PRELID2: variants seen among roughly 807,000 people sequenced by gnomAD.
The protein encoded by PRELID2 is PRELI domain-containing protein 2.
In PRELID2, 25 loss-of-function variants were observed where a neutral mutation model predicts 28.4. That is an observed-to-expected ratio of 0.88 (90% CI 0.64 to 1.23). The LOEUF is 1.23. PRELID2 is among the 50% of genes most tolerant of loss of function. PRELID2 has a pLI of 0.00. For missense variants in PRELID2, 201 were observed against 214.4 expected, an observed-to-expected ratio of 0.94 and a Z score of 0.39; for synonymous variants, 76 against 71.6, an observed-to-expected ratio of 1.06 and a Z score of -0.31.
At chr5:145,802,985 G>C (rs928913008) in intron 4 of PRELID2, among the ~76,000 whole-genome samples, 6 of 152,134 alleles carry the variant, frequency 3.9e-5, no homozygotes, top group Admixed American at 6.5e-5. Context: ...TTGAATTATT[G>C]ACTGGTTAGG....
rs146051447 is a variant in PRELID2 at position 145,699,185 on chromosome 5, G to A, written n.70+65746C>T. ...GTACCTAGTTCCTTTTGGAAGACTG[G>A]GAATGCTTCCTGGGGTAAGAGACAT... On this transcript the variant is annotated intron_variant and non_coding_transcript_variant, in intron 1 of 2. Transcript: ENST00000510259. Among the ~76,000 whole-genome samples the A allele has an allele frequency of 9.0e-3, 1,377 of 152,250 alleles. 19 individuals carry two copies. Among genetic ancestry groups the A allele is most frequent in the African/African-American group, 0.03 (1,257 of 41,544 alleles).
the PRELID2 span, among the ~76,000 whole-genome samples, chr5:145,318,908 G>A: frequency 6.6e-6 from 1 of 152,156 alleles, no homozygotes; most frequent in Non-Finnish European, 1.5e-5. Flanking sequence ...GATGGAGGTG[G>A]CTCTCAGCAG....
chr5:145,440,660 A>T, the PRELID2 span, among the ~76,000 whole-genome samples: 246 of 152,214 alleles, frequency 1.6e-3, no homozygotes, highest in Middle Eastern at 3.4e-3. Flanking sequence ...TTAATTCCTC[A>T]GAATAATAAC....
chr5:145,708,987 A>G (rs947320286), intron 1 of PRELID2, among the ~76,000 whole-genome samples: 1 of 152,238 alleles, frequency 6.6e-6, no homozygotes. Context: ...TGTGAGATGC[A>G]TGAGCTTTGC....
the PRELID2 span, among the ~76,000 whole-genome samples, chr5:145,444,753 C>T: frequency 2.0e-5 from 3 of 152,092 alleles, no homozygotes; most frequent in African/African-American, 7.2e-5. Context: ...TCATCCCTAT[C>T]ACTGAGTGCC....
intron 1 of PRELID2, among the ~76,000 whole-genome samples, chr5:145,722,451 C>T (rs1581098882): frequency 6.6e-6 from 1 of 151,994 alleles, no homozygotes; most frequent in East Asian, 1.9e-4. Flanking sequence ...AGGCGTGTGC[C>T]ACCACACCTA....
chr5:145,787,973 T>C (rs1363463363), intron 5 of PRELID2, among the ~76,000 whole-genome samples: 1 of 151,620 alleles, frequency 6.6e-6, no homozygotes, highest in Non-Finnish European at 1.5e-5. Flanking sequence ...CTGAAGGGAG[T>C]AATAATGAAA....
At chr5:145,821,154 T>TGTGC (rs1754770019) in intron 2 of PRELID2, among the ~76,000 whole-genome samples, 1 of 85,014 alleles carries the variant, frequency 1.2e-5, no homozygotes, top group African/African-American at 4.0e-5. Context: ...CTCTCCTGGG[T>TGTGC]GTGTGTGTGT....
At chr5:145,240,565 A>G in the PRELID2 span, among the ~76,000 whole-genome samples, 1 of 152,126 alleles carries the variant, frequency 6.6e-6, no homozygotes, top group Middle Eastern at 3.4e-3. Context: ...TATACTTATT[A>G]TCAGGCAGCT....
At chr5:145,364,867 C>T in the PRELID2 span, among the ~76,000 whole-genome samples, 5 of 151,994 alleles carry the variant, frequency 3.3e-5, no homozygotes, top group East Asian at 1.9e-4. Flanking sequence ...AAAGTCCTAT[C>T]GAAAAGGATT....
At chr5:145,817,033 A>T (rs1167396161) in intron 4 of PRELID2, among the ~76,000 whole-genome samples, 1 of 150,694 alleles carries the variant, frequency 6.6e-6, no homozygotes, top group Non-Finnish European at 1.5e-5. Flanking sequence ...ATGGTGACAC[A>T]TGCCTGAAAC....
At chr5:145,726,901 T>C (rs1362064627) in intron 1 of PRELID2, among the ~76,000 whole-genome samples, 5 of 152,204 alleles carry the variant, frequency 3.3e-5, no homozygotes, top group Non-Finnish European at 7.3e-5. Flanking sequence ...AAGTAAATTA[T>C]AACATTTCAT....
intron 5 of PRELID2, among the ~76,000 whole-genome samples, chr5:145,781,713 C>T (rs1291902826): frequency 6.9e-6 from 1 of 145,764 alleles, no homozygotes; most frequent in Non-Finnish European, 1.5e-5. Context: ...TATATATACA[C>T]ACACACTATA....
chr5:145,516,329 C>T (rs1353797948), intron 1 of PRELID2, among the ~76,000 whole-genome samples: 3 of 152,154 alleles, frequency 2.0e-5, no homozygotes, highest in Admixed American at 1.3e-4. Context: ...AAATCACAAA[C>T]ATTTCTATAC....
At chr5:145,764,076 G>C (rs1269786727) in intron 6 of PRELID2, among the ~76,000 whole-genome samples, 6 of 152,204 alleles carry the variant, frequency 3.9e-5, no homozygotes, top group African/African-American at 1.4e-4. Flanking sequence ...CTGGGCAATA[G>C]AGCAAGACTC....
the PRELID2 span, among the ~76,000 whole-genome samples, chr5:145,440,088 C>A: frequency 1.3e-5 from 2 of 152,238 alleles, no homozygotes; most frequent in East Asian, 3.9e-4. Context: ...GAGCTCTAAG[C>A]TGTGAAACCC....
chr5:145,388,106 C>T, the PRELID2 span, among the ~76,000 whole-genome samples: 3 of 151,894 alleles, frequency 2.0e-5, no homozygotes. Flanking sequence ...ATGGTAGAAA[C>T]ATTACAAGAA....
chr5:145,546,489 T>A (rs2126677101), intron 1 of PRELID2, among the ~76,000 whole-genome samples: 1 of 152,260 alleles, frequency 6.6e-6, no homozygotes, highest in Non-Finnish European at 1.5e-5. Flanking sequence ...GAAACAAGGC[T>A]ATGTGGAAAT....
At chr5:145,707,635 T>G (rs1412059688) in intron 1 of PRELID2, among the ~76,000 whole-genome samples, 2 of 152,180 alleles carry the variant, frequency 1.3e-5, no homozygotes, top group Non-Finnish European at 2.9e-5. Flanking sequence ...TCAGGGCAAC[T>G]ACCAAGTCCA....
Sources: allele counts gnomAD v4.1 joint callset (sites outside exome capture counted in the v4.1 genomes callset), GRCh38; gene constraint gnomAD v4.1.1; transcripts MANE v1.5; gene names NCBI Gene and HGNC (gene_info 2026-07-23, HGNC 2026-07-21).